THADA: variants seen among roughly 807,000 people sequenced by gnomAD.
THADA encodes THADA armadillo repeat containing, also known as tRNA (32-2'-O)-methyltransferase regulator THADA.
Under a neutral mutation model 219.8 loss-of-function variants are expected in THADA, and 213 were observed. The observed-to-expected ratio is 0.97, with a 90% confidence interval of 0.87 to 1.09. The LOEUF (loss-of-function observed/expected upper bound fraction) is 1.09. Ranked by LOEUF, THADA falls within the 50% of genes least tolerant of loss-of-function variation. THADA has a pLI of 0.00. For synonymous variants in THADA, 1,018 were observed against 828.9 expected, an observed-to-expected ratio of 1.23 and a Z score of -3.92; for missense variants, 2,956 against 2,311.3, an observed-to-expected ratio of 1.28 and a Z score of -5.72.
intron 30 of THADA, among the ~76,000 whole-genome samples, chr2:43,340,734 A>T (rs1461734417): frequency 2.0e-5 from 3 of 152,238 alleles, no homozygotes; most frequent in Non-Finnish European, 2.9e-5. Flanking sequence ...ATTACCAGGG[A>T]CATAAAAAAG....
At chr2:43,371,205 C>A (rs1325136671) in intron 29 of THADA, among the ~76,000 whole-genome samples, 7 of 152,138 alleles carry the variant, frequency 4.6e-5, no homozygotes, top group African/African-American at 1.7e-4. Context: ...TAAAGAATAT[C>A]CTCTTCATAG....
chr2:43,502,691 C>T (rs1689159957), intron 24 of THADA, among the ~76,000 whole-genome samples: 1 of 151,294 alleles, frequency 6.6e-6, no homozygotes, highest in South Asian at 2.1e-4. Flanking sequence ...AAATGTACAA[C>T]CATAAAGGAG....
At chr2:43,270,375 T>C (rs1328332932) in intron 36 of THADA, among the ~76,000 whole-genome samples, 1 of 152,188 alleles carries the variant, frequency 6.6e-6, no homozygotes, top group Non-Finnish European at 1.5e-5. Context: ...TTGCTGCATC[T>C]GCCCTCTATT....
chr2:43,420,478 A>T (rs1677569023), intron 28 of THADA, among the ~76,000 whole-genome samples: 1 of 152,222 alleles, frequency 6.6e-6, no homozygotes, highest in South Asian at 2.1e-4. Flanking sequence ...TAGGCCATAG[A>T]TTATCATCAT....
chr2:43,562,955 C>T (rs1019187677), intron 15 of THADA: 1 of 152,084 alleles, frequency 6.6e-6, no homozygotes, highest in Non-Finnish European at 1.5e-5. Context: ...TTTATACTGT[C>T]TTTCTTTTAT....
chr2:43,482,724 G>T (rs905675876), intron 26 of THADA, among the ~76,000 whole-genome samples: 2 of 152,148 alleles, frequency 1.3e-5, no homozygotes, highest in Non-Finnish European at 2.9e-5. Flanking sequence ...TTAAGATACT[G>T]ACCTTGTCCT....
chr2:43,325,960 G>T (rs1214062651), intron 30 of THADA, among the ~76,000 whole-genome samples: 1 of 152,102 alleles, frequency 6.6e-6, no homozygotes, highest in African/African-American at 2.4e-5. Context: ...AATGGCAGTG[G>T]ATATCTTGAA....
At chr2:43,445,673 T>C (rs1186095642) in intron 26 of THADA, among the ~76,000 whole-genome samples, 1 of 152,184 alleles carries the variant, frequency 6.6e-6, no homozygotes, top group Non-Finnish European at 1.5e-5. Flanking sequence ...TTGGACTTTT[T>C]TTGTTTTTTG....
At chr2:43,286,533 G>T (rs1048221151) in intron 35 of THADA, among the ~76,000 whole-genome samples, 1 of 152,166 alleles carries the variant, frequency 6.6e-6, no homozygotes, top group Non-Finnish European at 1.5e-5. Context: ...CTGAGGTCAA[G>T]AGTTCGAGAC....
intron 22 of THADA, among the ~76,000 whole-genome samples, chr2:43,525,519 G>A (rs1180563005): frequency 2.0e-5 from 3 of 152,174 alleles, no homozygotes; most frequent in African/African-American, 7.2e-5. Context: ...TGCCATATAA[G>A]AATTTCAACC....
At chr2:43,447,262 T>C (rs1681698072) in intron 26 of THADA, among the ~76,000 whole-genome samples, 1 of 152,106 alleles carries the variant, frequency 6.6e-6, no homozygotes, top group Admixed American at 6.5e-5. Context: ...AAGATGAGAT[T>C]TGGATGGGGT....
rs1229626272 is a variant in THADA at position 43,462,761 on chromosome 2, G to A, written c.3836+22473C>T. Among the ~76,000 whole-genome samples, 5 of 152,110 alleles carry A rather than the reference G, an allele frequency of 3.3e-5. No homozygotes were observed. The East Asian group carries it at 9.6e-4, about 29-fold the overall frequency. ...TGGCTTTCCGTTCTCCCTCAGTGTT[G>A]AGGGAGAACTCCAAATCAAAATCAC... On this transcript the variant is annotated intron_variant, in intron 26 of 37. Coordinates refer to ENST00000405975, the MANE Select transcript of THADA (RefSeq NM_022065.5).
At chr2:43,399,887 CA>C (rs1432061808) in intron 28 of THADA, among the ~76,000 whole-genome samples, 1 of 149,100 alleles carries the variant, frequency 6.7e-6, no homozygotes, top group Non-Finnish European at 1.5e-5. Flanking sequence ...AACAAAAAAA[CA>C]AAAAAACAAA....
At chr2:43,552,982 A>G (rs1231860616) in intron 17 of THADA, among the ~76,000 whole-genome samples, 1 of 152,208 alleles carries the variant, frequency 6.6e-6, no homozygotes, top group Non-Finnish European at 1.5e-5. Flanking sequence ...TATAAATAGA[A>G]TCATACAATA....
intron 26 of THADA, among the ~76,000 whole-genome samples, chr2:43,484,718 T>C (rs1000305388): frequency 2.0e-5 from 3 of 151,992 alleles, no homozygotes; most frequent in African/African-American, 7.2e-5. Flanking sequence ...AACATAAAAC[T>C]AAAGACCAAA....
intron 3 of THADA, 49 bp downstream of exon 3, chr2:43,591,903 T>C (rs1701621525): frequency 2.4e-6 from 3 of 1,246,108 alleles, no homozygotes; most frequent in East Asian, 2.7e-5. Flanking sequence ...AAATCCTTAA[T>C]AGCATGATAC....
intron 26 of THADA, chr2:43,463,258 A>T (rs1217339249): frequency 6.6e-6 from 1 of 152,236 alleles, no homozygotes; most frequent in Non-Finnish European, 1.5e-5. Context: ...ATACCTGATT[A>T]CACAAAGGTA....
chr2:43,377,902 A>G (rs1671562518), intron 29 of THADA, among the ~76,000 whole-genome samples: 1 of 152,206 alleles, frequency 6.6e-6, no homozygotes, highest in Non-Finnish European at 1.5e-5. Context: ...CGCAAAAGGC[A>G]GAATTCACAT....
chr2:43,383,967 C>T (rs1330079364), intron 29 of THADA, among the ~76,000 whole-genome samples: 3 of 152,094 alleles, frequency 2.0e-5, no homozygotes, highest in African/African-American at 7.2e-5. Context: ...TGTTTTTAGG[C>T]TTCTACCATC....
Sources: gnomAD v4.1 joint callset for allele counts (sites outside exome capture counted in the v4.1 genomes callset) on GRCh38, gnomAD v4.1.1 for gene constraint, MANE v1.5 for transcripts, NCBI Gene and HGNC (gene_info 2026-07-23, HGNC 2026-07-21) for gene names.